The following NFX1 variants were observed in gnomAD, a reference collection of about 807,000 sequenced individuals.
The protein encoded by NFX1 is nuclear transcription factor, X-box binding 1.
Under a neutral mutation model 137.2 loss-of-function variants are expected in NFX1, and 69 were observed. That is an observed-to-expected ratio of 0.50 (90% CI 0.41 to 0.61). NFX1 has a LOEUF of 0.61. NFX1 is among the 20% of genes least tolerant of loss of function. The pLI is 0.00. For synonymous variants in NFX1, 495 were observed against 474.1 expected (o/e 1.04, Z -0.57); for missense variants, 1,167 against 1,391.0 (o/e 0.84, Z 2.56).
chr9:33,298,205 T>C (rs1181590093), intron 2 of NFX1, among the ~76,000 whole-genome samples: 1 of 152,208 alleles, frequency 6.6e-6, no homozygotes, highest in East Asian at 1.9e-4. Flanking sequence ...CTATTTTACA[T>C]AGGTTGACCT....
intron 11 of NFX1, among the ~76,000 whole-genome samples, chr9:33,332,909 G>A (rs550931005): frequency 2.6e-5 from 4 of 152,336 alleles, no homozygotes; most frequent in African/African-American, 4.8e-5. Flanking sequence ...GCAGTGGCGC[G>A]ATCTCGGCTC....
chr9:33,337,989 C>T (rs1193316129), intron 11 of NFX1, among the ~76,000 whole-genome samples: 8 of 150,926 alleles, frequency 5.3e-5, no homozygotes, highest in Non-Finnish European at 1.2e-4. Context: ...GTGGAGGTTG[C>T]AGTGAGCCAA....
At position 33,328,544 on chromosome 9, in the gene NFX1, C is replaced by A. The variant is rs759178801; in HGVS notation, c.1907-37C>A. 6 of 1,487,760 alleles carry A rather than the reference C, an allele frequency of 4.0e-6. No individual in the cohort carries two copies. The South Asian group carries it at 4.6e-5, about 11-fold the overall frequency. The allele number at this position is 1,487,760 out of a possible 1,614,324, so 92.2% of individuals were successfully genotyped here. A position where few individuals can be genotyped will look rare whatever the true frequency, so the allele number is the denominator to read the frequency against. On this transcript the variant is annotated intron_variant, in intron 9 of 23. Transcript: ENST00000379540. ...TTGGGAGTATGAAAATGAGTAGTTG[C>A]AGTTTTCATTTCCAGCTCTTTTCGT...
At chr9:33,340,793 G>T (rs1256816375) in intron 12 of NFX1, among the ~76,000 whole-genome samples, 1 of 152,102 alleles carries the variant, frequency 6.6e-6, no homozygotes, top group African/African-American at 2.4e-5. Flanking sequence ...CAGATCTCTA[G>T]GGCAGGGGCA....
chr9:33,363,946 G>T, intron 19 of NFX1, 64 bp from the exon 20 acceptor site: 3 of 1,058,620 alleles, frequency 2.8e-6, no homozygotes, highest in Non-Finnish European at 4.1e-6. Flanking sequence ...GTAGGCACTC[G>T]GGGTTACTGC....
intron 11 of NFX1, among the ~76,000 whole-genome samples, chr9:33,336,137 A>G (rs1159470988): frequency 6.6e-6 from 1 of 152,162 alleles, no homozygotes; most frequent in Non-Finnish European, 1.5e-5. Flanking sequence ...TGGCTACACC[A>G]TTTTATATTC....
Position 33,354,102 on chromosome 9 carries a change from A to G in NFX1, c.2746A>G (p.Met916Val), listed in dbSNP as rs748243324. 7.4e-6 allele frequency: 12 copies of G among 1,610,998 alleles called. No homozygotes were observed. The highest frequency in any genetic ancestry group is 6.7e-5 in the East Asian group (3 of 44,822). Reference sequence around the variant, plus strand: ...ATATTTCAGAATAGCTGCAATCTCCATGGCCTCTAAGATAACAGACATGCA... The same window carrying G: ...ATATTTCAGAATAGCTGCAATCTCCGTGGCCTCTAAGATAACAGACATGCA... ...STYQRIAAIS[M>V]ASKITDMQLG... Residue 916 changes from methionine to valine, a missense_variant, in exon 18 of 24, where the codon ATG (methionine) becomes GTG (valine). Physicochemically the swap from Met to Val is conservative, Grantham distance 21 (BLOSUM62 1). Around this residue, in one of 3 missense-constraint regions of NFX1, gnomAD observed 312 missense variants for 312.8 expected, o/e 1.00. Coordinates refer to ENST00000379540, the MANE Select transcript of NFX1 (RefSeq NM_002504.6).
At chr9:33,324,358 G>A (rs1046908249) in intron 9 of NFX1, among the ~76,000 whole-genome samples, 7 of 151,846 alleles carry the variant, frequency 4.6e-5, no homozygotes, top group Admixed American at 1.3e-4. Context: ...CAGCCTGGAC[G>A]AGGGAGTAAG....
chr9:33,332,207 A>C (rs1822832215), intron 10 of NFX1, among the ~76,000 whole-genome samples: 1 of 152,114 alleles, frequency 6.6e-6, no homozygotes, highest in South Asian at 2.1e-4. Context: ...TTATTAGTCT[A>C]CTGTGAATTT....
intron 12 of NFX1, among the ~76,000 whole-genome samples, chr9:33,339,014 ATTTTTTAAAATAAAATAT>A (rs1170297907): frequency 6.6e-6 from 1 of 152,122 alleles, no homozygotes; most frequent in East Asian, 1.9e-4. Flanking sequence ...TTTTAAAAAG[ATTTTTTAAAATAAAATAT>A]TTATTTAAAA....
chr9:33,311,752 C>G (rs967773116), intron 6 of NFX1, among the ~76,000 whole-genome samples: 1 of 152,108 alleles, frequency 6.6e-6, no homozygotes, highest in Non-Finnish European at 1.5e-5. Context: ...GGGATTTCAC[C>G]ATCTTGGCCA....
At chr9:33,290,769 C>G (rs1821128388) in intron 1 of NFX1, among the ~76,000 whole-genome samples, 172 bp downstream of exon 1, 1 of 152,248 alleles carries the variant, frequency 6.6e-6, no homozygotes, top group Non-Finnish European at 1.5e-5. Flanking sequence ...AGATCTGTGT[C>G]TTCTTGGACT....
chr9:33,319,392 G>T (rs1054764833), intron 9 of NFX1, among the ~76,000 whole-genome samples: 1 of 152,156 alleles, frequency 6.6e-6, no homozygotes. Flanking sequence ...TAGGGGTTAT[G>T]ATTTCTCTTA....
chr9:33,331,770 G>A (rs1255460037), intron 10 of NFX1, among the ~76,000 whole-genome samples: 1 of 151,140 alleles, frequency 6.6e-6, no homozygotes, highest in Non-Finnish European at 1.5e-5. Flanking sequence ...TGAGTACATG[G>A]CAACCTGTAA....
intron 12 of NFX1, among the ~76,000 whole-genome samples, chr9:33,338,869 C>G (rs1049514127): frequency 3.9e-5 from 6 of 152,158 alleles, no homozygotes; most frequent in Admixed American, 2.0e-4. Context: ...GAGCCCAAGA[C>G]CCCTAGATGA....
At chr9:33,368,907 A>G (rs540559058) in intron 23 of NFX1, among the ~76,000 whole-genome samples, 1 of 152,224 alleles carries the variant, frequency 6.6e-6, no homozygotes, top group Non-Finnish European at 1.5e-5. Flanking sequence ...CCTGGGAGCC[A>G]GGTGTCCTAG....
At chr9:33,327,227 A>G (rs1453908797) in intron 9 of NFX1, among the ~76,000 whole-genome samples, 1 of 152,134 alleles carries the variant, frequency 6.6e-6, no homozygotes, top group South Asian at 2.1e-4. Flanking sequence ...ATCTCACTCT[A>G]TTTCCTGGGC....
chr9:33,295,585 C>T (rs1054659937), intron 2 of NFX1, among the ~76,000 whole-genome samples, 158 bp downstream of exon 2: 2 of 152,228 alleles, frequency 1.3e-5, no homozygotes, highest in East Asian at 1.9e-4. Flanking sequence ...TACCACCACT[C>T]GCTGCTCCCT....
At chr9:33,321,239 C>G (rs2118407504) in intron 9 of NFX1, among the ~76,000 whole-genome samples, 1 of 152,190 alleles carries the variant, frequency 6.6e-6, no homozygotes, top group South Asian at 2.1e-4. Flanking sequence ...CAGTAACAGA[C>G]CTTGGGATGG....
Sources: gnomAD v4.1 joint callset for allele counts (sites outside exome capture counted in the v4.1 genomes callset) on GRCh38, gnomAD v4.1.1 for gene constraint, gnomAD v4.1.1 regional missense constraint, MANE v1.5 for transcripts, NCBI Gene and HGNC (gene_info 2026-07-23, HGNC 2026-07-21) for gene names.